Variants in ANK3 observed in about 807,000 individuals in gnomAD.
The protein encoded by ANK3 is ankyrin-3.
Under a neutral mutation model 370.9 loss-of-function variants are expected in ANK3, and 57 were observed. The observed-to-expected ratio is 0.15, with a 90% CI of 0.12 to 0.19. The LOEUF is 0.19. Ranked by LOEUF, ANK3 falls within the 10% of genes least tolerant of loss-of-function variation. ANK3 has a pLI of 1.00. For synonymous variants in ANK3, 1,929 were observed against 1,946.3 expected, an observed-to-expected ratio of 0.99 and a Z score of 0.23; for missense variants, 4,439 against 5,302.1, an observed-to-expected ratio of 0.84 and a Z score of 5.06.
intron 43 of ANK3, among the ~76,000 whole-genome samples, chr10:60,030,828 G>A (rs1234294137): frequency 1.3e-5 from 2 of 152,174 alleles, no homozygotes; most frequent in Admixed American, 1.3e-4. Flanking sequence ...TTGTGCACGG[G>A]CAAACACCCA....
intron 2 of ANK3, among the ~76,000 whole-genome samples, chr10:60,522,881 C>G (rs557205324): frequency 6.6e-6 from 1 of 152,026 alleles, no homozygotes; most frequent in Non-Finnish European, 1.5e-5. Context: ...GACACATACA[C>G]GGACAATCTG....
intron 1 of ANK3, among the ~76,000 whole-genome samples, chr10:60,341,115 C>T (rs1404709091): frequency 6.6e-6 from 1 of 152,128 alleles, no homozygotes; most frequent in Non-Finnish European, 1.5e-5. Context: ...ATTGATGCTG[C>T]TCCTGAGAAT....
At chr10:60,129,143 A>C (rs1565193996) in intron 25 of ANK3, among the ~76,000 whole-genome samples, 3 of 152,228 alleles carry the variant, frequency 2.0e-5, no homozygotes, top group Non-Finnish European at 4.4e-5. Flanking sequence ...AAACAAATAC[A>C]TTAGATGTTG....
At chr10:60,378,084 A>G (rs1250293712) in intron 1 of ANK3, among the ~76,000 whole-genome samples, 1 of 152,052 alleles carries the variant, frequency 6.6e-6, no homozygotes. Context: ...CATTGCTTCT[A>G]TTGTCAAGGA....
chr10:60,386,234 G>A (rs117881056), intron 1 of ANK3, among the ~76,000 whole-genome samples: 3,632 of 152,140 alleles, frequency 0.024, 63 homozygotes, highest in Admixed American at 0.036. Flanking sequence ...CAACCTAAGC[G>A]GCCCGTGAGC....
chr10:60,042,826 T>G (rs2076347398), intron 42 of ANK3, 67 bp from the exon 43 acceptor site: 18 of 1,590,700 alleles, frequency 1.1e-5, no homozygotes, highest in Non-Finnish European at 1.5e-5. Context: ...CAGTCCATTC[T>G]GATCCTTGGA....
At chr10:60,408,556 C>G (rs1483658018) in intron 2 of ANK3, among the ~76,000 whole-genome samples, 2 of 152,154 alleles carry the variant, frequency 1.3e-5, no homozygotes, top group African/African-American at 4.8e-5. Context: ...AATTAAACCT[C>G]TTTTCTTATA....
rs1437224953 is a variant in ANK3, at chr10:60,724,997, T to G, written c.57+8266A>C. ...TTTTCTTTCTTTATTCCTTTTCATC[T>G]CCATAGCCCACTCCCATGCTCTGGA... On this transcript the variant is annotated intron_variant, in intron 1 of 43. Transcript: ENST00000373827. Among the ~76,000 whole-genome samples the G allele has an allele frequency of 6.6e-5, 10 of 152,178 alleles. 1 individual carries two copies. Among genetic ancestry groups the G allele is most frequent in the Admixed American group, 6.5e-4 (10 of 15,276 alleles).
intron 2 of ANK3, among the ~76,000 whole-genome samples, chr10:60,537,216 G>A (rs1341880373): frequency 2.6e-5 from 4 of 151,942 alleles, no homozygotes; most frequent in Middle Eastern, 3.2e-3. Context: ...AACAGTTATC[G>A]TATTTGCTGA....
Position 60,040,638 on chromosome 10 carries a change from G to C in ANK3, c.*19+2034C>G, listed in dbSNP as rs1261060899. 3.9e-5 allele frequency among the ~76,000 whole-genome samples: 6 copies of C among 152,106 alleles called. No individual in the cohort carries two copies. In the East Asian group the frequency reaches 1.2e-3, roughly 29 times the overall value. The stretch of plus-strand genomic sequence containing the variant: ...AATTTTAAAACTTTCTTTATATTTA[G>C]TGAGCAAGCTGTTTTTAAATCAACA... On this transcript the variant is annotated intron_variant, in intron 43 of 43. Coordinates refer to ENST00000280772, the MANE Select transcript of ANK3 (RefSeq NM_020987.5).
At chr10:60,548,206 CTTTTTTTTTTTT>C (rs537459971) in intron 2 of ANK3, among the ~76,000 whole-genome samples, 4 of 88,342 alleles carry the variant, frequency 4.5e-5, no homozygotes, top group African/African-American at 8.7e-5. Flanking sequence ...TAAATATTTC[CTTTTTTTTTTTT>C]TTTTTTTTTT....
chr10:60,524,621 C>G (rs1322136356), intron 2 of ANK3, among the ~76,000 whole-genome samples: 1 of 152,120 alleles, frequency 6.6e-6, no homozygotes, highest in Non-Finnish European at 1.5e-5. Flanking sequence ...CCATGTGGAA[C>G]TGTAAGTCCA....
chr10:60,473,307 TAA>T (rs1400409482), intron 2 of ANK3, among the ~76,000 whole-genome samples: 1 of 152,202 alleles, frequency 6.6e-6, no homozygotes, highest in Non-Finnish European at 1.5e-5. Context: ...TTCTATTTTC[TAA>T]AAGTTTACAA....
rs1407996836 is a variant in ANK3, at chr10:60,071,913, G to A, written c.8968C>T (p.Leu2990=). 9.6e-5 allele frequency: 155 copies of A among 1,613,882 alleles called. No individual in the cohort carries two copies. The highest frequency in any genetic ancestry group is 1.2e-4 in the Non-Finnish European group (146 of 1,179,984). The part of the protein sequence containing the change: ...CEQSAFPKHE[L]SQKLSQSSMS... ...CTTGACTGGGACAATTTTTGTGATA[G>A]TTCATGTTTTGGAAATGCCGACTGT... is the stretch of plus-strand genomic sequence containing the variant. The change falls in exon 37 of 44, where the codon CTA becomes TTA. Residue 2990 remains leucine, a synonymous_variant. Transcript: ENST00000280772.
intron 28 of ANK3, 69 bp from the exon 29 acceptor site, chr10:60,088,427 A>T: frequency 7.2e-7 from 1 of 1,384,694 alleles, no homozygotes; most frequent in South Asian, 1.3e-5. Flanking sequence ...AGTCAAAATG[A>T]TATATCTTTT....
chr10:60,478,287 T>C (rs1240364476), intron 2 of ANK3, among the ~76,000 whole-genome samples: 1 of 152,134 alleles, frequency 6.6e-6, no homozygotes, highest in Non-Finnish European at 1.5e-5. Flanking sequence ...AAATTGCCAT[T>C]TCTCATACTT....
chr10:60,095,492 C>T (rs2089916907), intron 28 of ANK3, among the ~76,000 whole-genome samples: 1 of 152,144 alleles, frequency 6.6e-6, no homozygotes, highest in Non-Finnish European at 1.5e-5. Flanking sequence ...GCAATCCTCC[C>T]ACTTCAGCCT....
intron 2 of ANK3, among the ~76,000 whole-genome samples, chr10:60,422,414 A>G (rs1420530280): frequency 6.6e-6 from 1 of 152,156 alleles, no homozygotes; most frequent in African/African-American, 2.4e-5. Flanking sequence ...TGATTTGTCA[A>G]GAGATATAGA....
At chr10:60,612,333 G>A (rs2133319175) in intron 2 of ANK3, among the ~76,000 whole-genome samples, 1 of 152,266 alleles carries the variant, frequency 6.6e-6, no homozygotes, top group South Asian at 2.1e-4. Flanking sequence ...CACTGAGGCA[G>A]ATGAGTATAT....
Sources: gnomAD v4.1 joint callset for allele counts (sites outside exome capture counted in the v4.1 genomes callset) on GRCh38, gnomAD v4.1.1 for gene constraint, MANE v1.5 for transcripts, NCBI Gene and HGNC (gene_info 2026-07-23, HGNC 2026-07-21) for gene names.